CLOCK: variants seen among roughly 807,000 people sequenced by gnomAD.
CLOCK encodes circadian locomoter output cycles protein kaput.
Under a neutral mutation model 118.4 loss-of-function variants are expected in CLOCK, and 43 were observed. The ratio of observed to expected loss-of-function variants is 0.36; its 90% CI spans 0.28 to 0.47. The LOEUF (loss-of-function observed/expected upper bound fraction) is 0.47. Among genes scored for constraint, CLOCK ranks in the 20% least tolerant of loss-of-function variants. The pLI, the probability that CLOCK is intolerant of heterozygous loss-of-function variation, is 1.00. For missense variants in CLOCK, 846 were observed against 999.9 expected (o/e 0.85, Z 2.08); for synonymous variants, 326 against 339.2 (o/e 0.96, Z 0.43).
chr4:55,506,582 A>T (rs1030292538), intron 2 of CLOCK, among the ~76,000 whole-genome samples: 3 of 151,598 alleles, frequency 2.0e-5, no homozygotes, highest in Non-Finnish European at 4.4e-5. Context: ...TATTTTTTTT[A>T]ATTTTTTTTG....
chr4:55,482,007 T>A (rs1351697107), intron 4 of CLOCK, among the ~76,000 whole-genome samples: 1 of 152,204 alleles, frequency 6.6e-6, no homozygotes, highest in Non-Finnish European at 1.5e-5. Context: ...CTATTTTATG[T>A]GCCCTTAAGA....
intron 13 of CLOCK, among the ~76,000 whole-genome samples, chr4:55,455,593 G>C (rs1465520091): frequency 6.6e-6 from 1 of 152,054 alleles, no homozygotes; most frequent in Non-Finnish European, 1.5e-5. Context: ...TACTCCAAAA[G>C]TTTGAAGTAT....
intron 2 of CLOCK, among the ~76,000 whole-genome samples, chr4:55,507,482 G>A (rs184158558): frequency 1.8e-3 from 276 of 152,004 alleles, no homozygotes; most frequent in African/African-American, 6.1e-3. Flanking sequence ...GCATGGTGGC[G>A]CATGCTTGTA....
At chr4:55,436,892 C>CTTTTTTTTTTTTTTTTTTTTTT (rs35888413) in intron 22 of CLOCK, among the ~76,000 whole-genome samples, 4 of 98,364 alleles carry the variant, frequency 4.1e-5, no homozygotes, top group East Asian at 3.7e-4. Flanking sequence ...TTTGGGATGC[C>CTTTTTTTTTTTTTTTTTTTTTT]TTTTTTTTTT....
chr4:55,492,084 C>T (rs910840461), intron 2 of CLOCK, among the ~76,000 whole-genome samples: 1 of 152,002 alleles, frequency 6.6e-6, no homozygotes, highest in Non-Finnish European at 1.5e-5. Flanking sequence ...GCCAAAGACA[C>T]CATAAGAAAA....
At chr4:55,496,034 C>CA (rs1345471794) in intron 2 of CLOCK, among the ~76,000 whole-genome samples, 3 of 151,830 alleles carry the variant, frequency 2.0e-5, no homozygotes, top group Non-Finnish European at 2.9e-5. Flanking sequence ...ACTAAAAATA[C>CA]AAAAATTAGC....
intron 19 of CLOCK, among the ~76,000 whole-genome samples, chr4:55,444,161 T>C (rs530642398): frequency 6.6e-6 from 1 of 152,348 alleles, no homozygotes; most frequent in South Asian, 2.1e-4. Context: ...TTATCATTTA[T>C]AATTTATAAC....
chr4:55,453,124 G>A lies in CLOCK; in HGVS notation c.1136C>T (p.Ala379Val). ...IVCTHTVVSYAEVRAERRREL... is the reference protein window; with the variant it reads ...IVCTHTVVSYVEVRAERRREL... The stretch of plus-strand genomic sequence containing the variant: ...TCGTCGTCTTTCAGCCCTAACTTCT[G>A]CATAACTACAAATGGAAAAAATAAT... The change falls in exon 15 of 23, where the codon GCA (alanine) becomes GTA (valine). Residue 379 changes from alanine (A) to valine (V), a missense_variant. Ala to Val is a moderately conservative substitution (Grantham distance 64). Around this residue, in one of 4 missense-constraint regions of CLOCK, gnomAD observed 520 missense variants for 558.0 expected, o/e 0.93. Coordinates refer to ENST00000513440, the MANE Select transcript of CLOCK (RefSeq NM_004898.4). 1 of 1,612,374 alleles carries A rather than the reference G, an allele frequency of 6.2e-7. No individual in the cohort carries two copies. The highest frequency in any genetic ancestry group is 8.5e-7 in the Non-Finnish European group (1 of 1,178,742).
At chr4:55,472,258 A>G (rs1325872451) in intron 7 of CLOCK, among the ~76,000 whole-genome samples, 1 of 152,242 alleles carries the variant, frequency 6.6e-6, no homozygotes, top group Non-Finnish European at 1.5e-5. Context: ...TTATGTTAAC[A>G]GGAAGGCAAG....
intron 8 of CLOCK, among the ~76,000 whole-genome samples, chr4:55,464,780 G>A (rs564273601): frequency 1.3e-5 from 2 of 152,160 alleles, no homozygotes; most frequent in Non-Finnish European, 2.9e-5. Context: ...ATGGTGAGAG[G>A]GGAGAAAGGG....
chr4:55,530,563 T>C (rs1180210897), intron 1 of CLOCK, among the ~76,000 whole-genome samples: 2 of 151,922 alleles, frequency 1.3e-5, no homozygotes, highest in Non-Finnish European at 2.9e-5. Context: ...TCACTTGAGA[T>C]AAGGTGTTTA....
chr4:55,441,852 T>C (rs1327036844), intron 21 of CLOCK, among the ~76,000 whole-genome samples: 5 of 152,202 alleles, frequency 3.3e-5, no homozygotes, highest in Non-Finnish European at 5.9e-5. Context: ...CTTCCTGTAA[T>C]ATATGCTTAA....
intron 1 of CLOCK, among the ~76,000 whole-genome samples, chr4:55,533,587 G>C (rs189905025): frequency 2.5e-4 from 38 of 152,156 alleles, no homozygotes; most frequent in African/African-American, 8.7e-4. Context: ...AAAGATTTTT[G>C]GGATTGTTTG....
rs1353644165 is a variant in CLOCK at position 55,442,565 on chromosome 4, T to C, written c.1972A>G (p.Thr658Ala). The change falls in exon 21 of 23, where the codon ACA (threonine) becomes GCA (alanine). Residue 658 changes from threonine to alanine, a missense_variant. Around this residue, in one of 4 missense-constraint regions of CLOCK, gnomAD observed 520 missense variants for 558.0 expected, o/e 0.93. Coordinates refer to ENST00000513440, the MANE Select transcript of CLOCK (RefSeq NM_004898.4). The part of the protein sequence containing the change: ...SLPSQTQSTL[T>A]APLYNTMVIS... Reference sequence around the variant, plus strand: ...ACCATAGTGTTATACAGTGGGGCTGTAAGAGTGCTCTGTGTCTGACTGGGT... The same window carrying C: ...ACCATAGTGTTATACAGTGGGGCTGCAAGAGTGCTCTGTGTCTGACTGGGT... The C allele has an allele frequency of 1.2e-6, 2 of 1,611,922 alleles. No homozygotes were observed. Among genetic ancestry groups the C allele is most frequent in the East Asian group, 4.5e-5 (2 of 44,804 alleles).
intron 1 of CLOCK, among the ~76,000 whole-genome samples, chr4:55,536,421 G>A (rs12507722): frequency 0.34 from 51,307 of 151,860 alleles, 9,358 homozygotes; most frequent in East Asian, 0.58. Context: ...CTGGATCATG[G>A]GGGCAGATCC....
chr4:55,544,016 A>G (rs959894620), intron 1 of CLOCK, among the ~76,000 whole-genome samples: 5 of 152,202 alleles, frequency 3.3e-5, no homozygotes, highest in African/African-American at 1.2e-4. Flanking sequence ...ATTACACAAT[A>G]TTAGTCACCA....
chr4:55,462,667 G>A (rs1725428829), intron 9 of CLOCK, among the ~76,000 whole-genome samples: 1 of 152,146 alleles, frequency 6.6e-6, no homozygotes, highest in South Asian at 2.1e-4. Context: ...ACTAATTGTA[G>A]GTATCTATTA....
intron 14 of CLOCK, 198 bp downstream of exon 14, chr4:55,453,479 C>T: frequency 2.0e-6 from 1 of 499,570 alleles, no homozygotes; most frequent in Non-Finnish European, 3.5e-6. Flanking sequence ...AAATTTATAT[C>T]AAGACTTATA....
At chr4:55,437,555 T>C (rs1307196225) in intron 22 of CLOCK, among the ~76,000 whole-genome samples, 1 of 152,250 alleles carries the variant, frequency 6.6e-6, no homozygotes, top group East Asian at 1.9e-4. Context: ...CAAGTGTCTA[T>C]TACATTTGTC....
Sources: allele counts gnomAD v4.1 joint callset (sites outside exome capture counted in the v4.1 genomes callset), GRCh38; gene constraint gnomAD v4.1.1; regional missense constraint gnomAD v4.1.1; transcripts MANE v1.5; gene names NCBI Gene and HGNC (gene_info 2026-07-23, HGNC 2026-07-21).